NRCAM: variants seen among roughly 807,000 people sequenced by gnomAD.
The protein encoded by NRCAM is NgCAM-related cell adhesion molecule.
NRCAM carries 83 observed loss-of-function variants against 156.5 expected under a neutral mutation model. The ratio of observed to expected loss-of-function variants is 0.53; its 90% CI spans 0.44 to 0.64. The LOEUF (loss-of-function observed/expected upper bound fraction) is 0.64, where lower values mean the gene tolerates loss of function less well. Ranked by LOEUF, NRCAM falls within the 30% of genes least tolerant of loss-of-function variation. The pLI is 0.00. For synonymous variants in NRCAM, 538 were observed against 563.9 expected (o/e 0.95, Z 0.65); for missense variants, 1,417 against 1,597.3 (o/e 0.89, Z 1.92).
At chr7:108,391,701 A>G (rs2099760616) in intron 2 of NRCAM, among the ~76,000 whole-genome samples, 1 of 152,204 alleles carries the variant, frequency 6.6e-6, no homozygotes. Context: ...ATGTTTTTGC[A>G]GTGGCTGGTG....
At chr7:108,214,187 G>A (rs2153618989) in intron 11 of NRCAM, among the ~76,000 whole-genome samples, 1 of 152,268 alleles carries the variant, frequency 6.6e-6, no homozygotes. Flanking sequence ...GCTCCTTTTT[G>A]TACCTCTGGT....
chr7:108,259,943 CACTT>C, intron 3 of NRCAM, among the ~76,000 whole-genome samples: 1 of 152,308 alleles, frequency 6.6e-6, no homozygotes, highest in Middle Eastern at 3.4e-3. Context: ...CCATGGCACA[CACTT>C]ACCTATGTAA....
chr7:108,444,026 T>C (rs1841758368), intron 1 of NRCAM, among the ~76,000 whole-genome samples: 1 of 152,104 alleles, frequency 6.6e-6, no homozygotes, highest in Admixed American at 6.6e-5. Flanking sequence ...ATCCCTGGGT[T>C]TTGCATCTGT....
Position 108,312,468 on chromosome 7 carries a change from T to C in NRCAM, c.-107+197A>G, listed in dbSNP as rs183626961. Among the ~76,000 whole-genome samples, 27 of 152,298 alleles carry C rather than the reference T, an allele frequency of 1.8e-4. No individual in the cohort carries two copies. In the East Asian group the frequency reaches 3.3e-3, roughly 18 times the overall value. On this transcript the variant is annotated intron_variant, in intron 3 of 32. Transcript: ENST00000379028. ...GGACATGAGGGCTGGTTTACTTCCCTATGTATTTGATCTATCTTCTTTGAC... is the reference window on the plus strand; with the variant it reads ...GGACATGAGGGCTGGTTTACTTCCCCATGTATTTGATCTATCTTCTTTGAC...
intron 1 of NRCAM, among the ~76,000 whole-genome samples, chr7:108,419,670 C>G (rs1191303443): frequency 6.6e-6 from 1 of 152,244 alleles, no homozygotes; most frequent in Non-Finnish European, 1.5e-5. Flanking sequence ...CAGAAAGTTA[C>G]ATGTCTCCAC....
At chr7:108,340,604 G>A (rs759027492) in intron 2 of NRCAM, among the ~76,000 whole-genome samples, 17 of 152,118 alleles carry the variant, frequency 1.1e-4, no homozygotes, top group Non-Finnish European at 2.2e-4. Flanking sequence ...CACCCTCACT[G>A]GGACACAGAA....
intron 20 of NRCAM, among the ~76,000 whole-genome samples, chr7:108,188,399 G>A (rs60206728): frequency 0.045 from 4,563 of 101,260 alleles, 210 homozygotes; most frequent in African/African-American, 0.13. Context: ...GTGTGTGTGT[G>A]TATATATACA....
intron 2 of NRCAM, among the ~76,000 whole-genome samples, chr7:108,363,534 C>T (rs1341832747): frequency 6.6e-6 from 1 of 152,132 alleles, no homozygotes; most frequent in African/African-American, 2.4e-5. Flanking sequence ...AGGTGTGAGC[C>T]ACTGCATCCA....
chr7:108,341,019 T>C (rs185705833), intron 2 of NRCAM, among the ~76,000 whole-genome samples: 177 of 152,364 alleles, frequency 1.2e-3, no homozygotes, highest in Non-Finnish European at 1.9e-3. Flanking sequence ...TTGGAGGCTC[T>C]GGAACACGGA....
At chr7:108,186,581 T>A (rs543063916) in intron 20 of NRCAM, among the ~76,000 whole-genome samples, 19 of 152,144 alleles carry the variant, frequency 1.2e-4, no homozygotes, top group Non-Finnish European at 2.2e-4. Flanking sequence ...ACTCAGTAGT[T>A]CCCAAACTTT....
intron 3 of NRCAM, among the ~76,000 whole-genome samples, chr7:108,306,070 AATT>A (rs1304462540): frequency 3.3e-5 from 5 of 152,214 alleles, no homozygotes; most frequent in Non-Finnish European, 5.9e-5. Flanking sequence ...TTTTGGGGTT[AATT>A]ATTATTACTG....
At position 108,197,253 on chromosome 7, in the gene NRCAM, T is replaced by C. The variant is rs576643292; in HGVS notation, c.1351+703A>G. Among the ~76,000 whole-genome samples, 13 of 152,312 alleles carry C rather than the reference T, an allele frequency of 8.5e-5. No individual in the cohort carries two copies. The South Asian group carries it at 2.3e-3, about 27-fold the overall frequency. On this transcript the variant is annotated intron_variant, in intron 14 of 32. Transcript: ENST00000379028. ...AATATCTTAACTGCTTAGCTCTTCA[T>C]AGGATTAGTGACCTTCATTTCAAGC...
chr7:108,284,971 T>C lies in NRCAM; in HGVS notation c.-107+27694A>G, dbSNP rs1474858318. Among the ~76,000 whole-genome samples, 7 of 152,320 alleles carry C rather than the reference T, an allele frequency of 4.6e-5. No individual in the cohort carries two copies. The South Asian group carries it at 8.3e-4, about 18-fold the overall frequency. The stretch of plus-strand genomic sequence containing the variant: ...GTAGAAGGGCTCATTCACCTACTCC[T>C]TGAATGACTGAAGCAGCAATGTGAA... On this transcript the variant is annotated intron_variant, in intron 3 of 32. Transcript: ENST00000379028.
chr7:108,237,089 A>C (rs1232953209), intron 5 of NRCAM, among the ~76,000 whole-genome samples: 2 of 152,200 alleles, frequency 1.3e-5, no homozygotes, highest in Non-Finnish European at 2.9e-5. Flanking sequence ...TTTCCTGGTT[A>C]ATCTAACATC....
At chr7:108,260,051 G>A (rs1053934876) in intron 3 of NRCAM, among the ~76,000 whole-genome samples, 13 of 133,036 alleles carry the variant, frequency 9.8e-5, no homozygotes, top group Admixed American at 6.4e-4. Flanking sequence ...TTAATTGTCT[G>A]GAGGCTCAGA....
intron 11 of NRCAM, among the ~76,000 whole-genome samples, chr7:108,210,253 GT>G (rs199832849): frequency 1.6e-4 from 14 of 85,098 alleles, no homozygotes; most frequent in Admixed American, 4.4e-4. Flanking sequence ...GTTTTGTTTT[GT>G]TTTTTTTTTT....
intron 3 of NRCAM, among the ~76,000 whole-genome samples, chr7:108,304,389 C>CT (rs11417635): frequency 0.53 from 77,937 of 147,122 alleles, 21,572 homozygotes; most frequent in East Asian, 0.8. Context: ...CTATTCCATG[C>CT]TTTTTTTTTT....
At chr7:108,376,985 C>A (rs1178165884) in intron 2 of NRCAM, among the ~76,000 whole-genome samples, 1 of 152,092 alleles carries the variant, frequency 6.6e-6, no homozygotes, top group South Asian at 2.1e-4. Context: ...GGCAACAGGG[C>A]AAAACCTCAT....
chr7:108,380,111 C>T (rs2099694402), intron 2 of NRCAM, among the ~76,000 whole-genome samples: 1 of 152,044 alleles, frequency 6.6e-6, no homozygotes, highest in South Asian at 2.1e-4. Flanking sequence ...CTCCTGTAAT[C>T]ACACAAAATT....
Sources: gnomAD v4.1 joint callset for allele counts (sites outside exome capture counted in the v4.1 genomes callset) on GRCh38, gnomAD v4.1.1 for gene constraint, MANE v1.5 for transcripts, NCBI Gene and HGNC (gene_info 2026-07-23, HGNC 2026-07-21) for gene names.